Variants in ANK2 observed in about 807,000 individuals in gnomAD.
The protein encoded by ANK2 is ankyrin-2.
ANK2 carries 83 observed loss-of-function variants against 360.5 expected under a neutral mutation model. The observed-to-expected ratio is 0.23, with a 90% confidence interval of 0.19 to 0.28. The LOEUF (loss-of-function observed/expected upper bound fraction) is 0.28, where lower values mean the gene tolerates loss of function less well. ANK2 is among the 10% of genes least tolerant of loss of function. The pLI is 1.00. For synonymous variants in ANK2, 1,740 were observed against 1,759.5 expected (o/e 0.99, Z 0.28); for missense variants, 4,201 against 4,795.7 (o/e 0.88, Z 3.66).
intron 26 of ANK2, chr4:113,323,789 C>T (rs775740364): frequency 4.3e-6 from 7 of 1,611,816 alleles, no homozygotes; most frequent in Middle Eastern, 1.7e-4. Flanking sequence ...AACGTGACAA[C>T]AGCAGGTGAA....
chr4:113,352,167 A>C (rs2154012180), intron 37 of ANK2, among the ~76,000 whole-genome samples: 1 of 152,332 alleles, frequency 6.6e-6, no homozygotes, highest in East Asian at 1.9e-4. Context: ...TTTGCTTTGC[A>C]TGGAAATAAC....
At chr4:112,976,944 C>G (rs1018876069) in intron 2 of ANK2, among the ~76,000 whole-genome samples, 1 of 152,186 alleles carries the variant, frequency 6.6e-6, no homozygotes, top group Admixed American at 6.5e-5. Flanking sequence ...TAGCATCTAG[C>G]GCTGGGGTTT....
intron 1 of ANK2, among the ~76,000 whole-genome samples, chr4:112,861,901 T>G (rs1262389816): frequency 6.8e-6 from 1 of 146,470 alleles, no homozygotes; most frequent in Non-Finnish European, 1.5e-5. Context: ...GTCACAGTTA[T>G]GTGGGAAAAC....
intron 23 of ANK2, among the ~76,000 whole-genome samples, chr4:113,306,042 T>A (rs1245529104): frequency 6.6e-6 from 1 of 152,216 alleles, no homozygotes; most frequent in Non-Finnish European, 1.5e-5. Flanking sequence ...TATCCACTCA[T>A]GAATCCAATT....
intron 2 of ANK2, among the ~76,000 whole-genome samples, chr4:112,960,347 CTT>C (rs36107598): frequency 3.5e-5 from 5 of 144,638 alleles, no homozygotes; most frequent in Admixed American, 6.9e-5. Flanking sequence ...TAGTGTCTGC[CTT>C]TTTTTTTTTT....
chr4:112,893,973 G>A (rs2080966760), intron 1 of ANK2, among the ~76,000 whole-genome samples: 1 of 152,130 alleles, frequency 6.6e-6, no homozygotes, highest in Non-Finnish European at 1.5e-5. Context: ...CTCCAGCCTG[G>A]GCAACGGAGC....
At chr4:113,286,023 T>C (rs1428457230) in intron 18 of ANK2, among the ~76,000 whole-genome samples, 1 of 152,230 alleles carries the variant, frequency 6.6e-6, no homozygotes, top group African/African-American at 2.4e-5. Context: ...TTCATACTGG[T>C]TGTTAGTTTG....
chr4:113,361,450 T>G (rs1395053071), intron 39 of ANK2, among the ~76,000 whole-genome samples: 1 of 152,012 alleles, frequency 6.6e-6, no homozygotes, highest in African/African-American at 2.4e-5. Flanking sequence ...TATACTTTAT[T>G]TACACATTAT....
At chr4:112,833,463 T>C (rs942478984) in intron 1 of ANK2, among the ~76,000 whole-genome samples, 3 of 152,184 alleles carry the variant, frequency 2.0e-5, no homozygotes, top group Non-Finnish European at 4.4e-5. Flanking sequence ...GTGATGCACC[T>C]AGGTGCCTAT....
the ANK2 span, among the ~76,000 whole-genome samples, chr4:112,751,128 A>G: frequency 4.6e-5 from 7 of 152,220 alleles, no homozygotes; most frequent in Non-Finnish European, 7.4e-5. Context: ...CTGCTTCTCT[A>G]TCCCTAAATT....
chr4:113,193,163 T>G (rs376107577), intron 2 of ANK2, among the ~76,000 whole-genome samples: 1 of 152,270 alleles, frequency 6.6e-6, no homozygotes, highest in East Asian at 1.9e-4. Context: ...TATTTTTAAG[T>G]TAATGAAGGC....
chr4:113,224,125 A>G (rs2099186322), intron 4 of ANK2, among the ~76,000 whole-genome samples: 1 of 152,198 alleles, frequency 6.6e-6, no homozygotes. Context: ...ACGCACCATC[A>G]ATTCTGCCAT....
upstream of ANK2, among the ~76,000 whole-genome samples, chr4:112,814,591 G>A (rs1417568600): frequency 6.6e-6 from 1 of 152,116 alleles, no homozygotes; most frequent in African/African-American, 2.4e-5. Context: ...GGGACTACAG[G>A]TGTGTACCAC....
At chr4:113,204,445 G>T (rs1208867928) in intron 4 of ANK2, among the ~76,000 whole-genome samples, 6 of 152,160 alleles carry the variant, frequency 3.9e-5, no homozygotes, top group African/African-American at 1.4e-4. Flanking sequence ...TGTGTCTGGG[G>T]CGGTCAGTCT....
At chr4:112,944,581 C>T (rs1243832926) in intron 2 of ANK2, among the ~76,000 whole-genome samples, 8 of 152,134 alleles carry the variant, frequency 5.3e-5, no homozygotes. Context: ...TCCTCTGTCC[C>T]ACCCCCCTTC....
intron 45 of ANK2, among the ~76,000 whole-genome samples, chr4:113,379,745 G>A (rs1306906725): frequency 6.6e-6 from 1 of 152,140 alleles, no homozygotes; most frequent in African/African-American, 2.4e-5. Context: ...GGAAAAAGGG[G>A]AGTAGAAGAA....
intron 4 of ANK2, among the ~76,000 whole-genome samples, chr4:113,231,026 A>C (rs1447006462): frequency 2.0e-5 from 3 of 151,958 alleles, no homozygotes; most frequent in African/African-American, 7.2e-5. Context: ...CAACACTGAA[A>C]TATAGACTTT....
chr4:113,342,562 T>C (rs1028045631), intron 33 of ANK2, among the ~76,000 whole-genome samples: 3 of 152,074 alleles, frequency 2.0e-5, no homozygotes, highest in Non-Finnish European at 4.4e-5. Flanking sequence ...TAGCTGGGCG[T>C]GGTGGCAGAT....
Position 113,324,445 on chromosome 4 carries a change from A to G in ANK2, c.2901-5801A>G, listed in dbSNP as rs112249905. Reference sequence around the variant, plus strand: ...TAGTATTTTTATTATACAGCCATCCATTATGGTACTACAAATTATCAGTCT... The same window carrying G: ...TAGTATTTTTATTATACAGCCATCCGTTATGGTACTACAAATTATCAGTCT... On this transcript the variant is annotated intron_variant, in intron 26 of 45. Coordinates refer to ENST00000357077, the MANE Select transcript of ANK2 (RefSeq NM_001148.6). Among the ~76,000 whole-genome samples, 1,113 of 152,268 alleles carry G rather than the reference A, an allele frequency of 7.3e-3. 20 individuals carry two copies. Among genetic ancestry groups the G allele is most frequent in the African/African-American group, 0.026 (1,060 of 41,556 alleles).
Sources: allele counts gnomAD v4.1 joint callset (sites outside exome capture counted in the v4.1 genomes callset), GRCh38; gene constraint gnomAD v4.1.1; transcripts MANE v1.5; gene names NCBI Gene and HGNC (gene_info 2026-07-23, HGNC 2026-07-21).